Variants in OTUD7A observed in about 807,000 individuals in gnomAD.
OTUD7A encodes OTU domain-containing protein 7A.
In OTUD7A, 12 loss-of-function variants were observed where a neutral mutation model predicts 65.7. That is an observed-to-expected ratio of 0.18 (90% confidence interval 0.12 to 0.30). The LOEUF (loss-of-function observed/expected upper bound fraction) is 0.30. OTUD7A is among the 10% of genes least tolerant of loss of function. OTUD7A has a pLI of 1.00. For synonymous variants in OTUD7A, 641 were observed against 586.3 expected (o/e 1.09, Z -1.35); for missense variants, 1,148 against 1,304.8 (o/e 0.88, Z 1.85).
intron 1 of OTUD7A, among the ~76,000 whole-genome samples, chr15:31,686,392 T>C (rs1019292311): frequency 5.3e-5 from 8 of 152,236 alleles, no homozygotes; most frequent in African/African-American, 9.6e-5. Context: ...GGATGTGCTT[T>C]GGGAAACTGA....
intron 1 of OTUD7A, among the ~76,000 whole-genome samples, chr15:31,865,058 A>AC (rs1897844295): frequency 6.6e-6 from 1 of 152,104 alleles, no homozygotes; most frequent in African/African-American, 2.4e-5. Flanking sequence ...AGGTCACACA[A>AC]CTGGTCATCA....
At chr15:31,777,997 C>T (rs916656382) in intron 1 of OTUD7A, among the ~76,000 whole-genome samples, 6 of 152,068 alleles carry the variant, frequency 3.9e-5, no homozygotes, top group East Asian at 3.9e-4. Context: ...CTCTTAGACA[C>T]GGTTCTGGTG....
intron 12 of OTUD7A, among the ~76,000 whole-genome samples, chr15:31,485,135 C>T (rs1412030984): frequency 6.6e-6 from 1 of 152,174 alleles, no homozygotes; most frequent in Non-Finnish European, 1.5e-5. Flanking sequence ...CAGACTCTGG[C>T]CTTCCCCCAC....
chr15:31,488,714 C>T lies in OTUD7A; in HGVS notation c.1172-1148G>A, dbSNP rs191533512. On this transcript the variant is annotated intron_variant, in intron 10 of 12. Transcript: ENST00000307050. ...GAAATAGATCAAATCGAAGACTGAA[C>T]ACCAATAGTTGATTTGGTAAGAAAT... Among the ~76,000 whole-genome samples the T allele has an allele frequency of 2.8e-3, 432 of 152,318 alleles. 4 individuals are homozygous for T. Among genetic ancestry groups the T allele is most frequent in the African/African-American group, 1.0e-2 (414 of 41,560 alleles).
chr15:31,551,293 G>A (rs1176679803), intron 5 of OTUD7A, among the ~76,000 whole-genome samples: 1 of 152,194 alleles, frequency 6.6e-6, no homozygotes, highest in Admixed American at 6.5e-5. Context: ...CATACAAGGA[G>A]TGCGATTGGG....
intron 8 of OTUD7A, among the ~76,000 whole-genome samples, chr15:31,519,864 G>A (rs745711388): frequency 6.6e-6 from 1 of 152,122 alleles, no homozygotes; most frequent in Non-Finnish European, 1.5e-5. Context: ...TAACAATCTA[G>A]CTGAGGACTA....
chr15:31,674,210 G>A (rs925408037), intron 1 of OTUD7A, among the ~76,000 whole-genome samples: 12 of 152,198 alleles, frequency 7.9e-5, no homozygotes, highest in Admixed American at 3.3e-4. Context: ...TGGGCTGGAT[G>A]AGCAGCATGG....
chr15:31,521,902 A>G (rs2041942893), intron 8 of OTUD7A, among the ~76,000 whole-genome samples: 1 of 152,116 alleles, frequency 6.6e-6, no homozygotes, highest in African/African-American at 2.4e-5. Flanking sequence ...CTCAGCTTCC[A>G]CTTAGCCCTT....
chr15:31,734,606 C>T (rs1894135728), intron 1 of OTUD7A, among the ~76,000 whole-genome samples: 1 of 152,128 alleles, frequency 6.6e-6, no homozygotes, highest in Non-Finnish European at 1.5e-5. Context: ...GACCGCACAC[C>T]TTCAACCATT....
chr15:31,565,199 CA>C (rs561900754), intron 4 of OTUD7A, among the ~76,000 whole-genome samples: 5 of 152,036 alleles, frequency 3.3e-5, no homozygotes, highest in Non-Finnish European at 7.4e-5. Flanking sequence ...CTAATAGAAA[CA>C]AAGACAGCAT....
At chr15:31,746,539 C>T (rs1040583147) in intron 1 of OTUD7A, among the ~76,000 whole-genome samples, 1 of 148,386 alleles carries the variant, frequency 6.7e-6, no homozygotes, top group Non-Finnish European at 1.5e-5. Context: ...CAGAGTTTCA[C>T]TCTCATCCAG....
intron 1 of OTUD7A, among the ~76,000 whole-genome samples, chr15:31,788,500 T>C (rs1567023284): frequency 1.3e-5 from 2 of 152,246 alleles, no homozygotes; most frequent in South Asian, 2.1e-4. Context: ...CTAGTTTCGA[T>C]GATACAGGTT....
At chr15:31,509,503 T>G (rs1231550350) in intron 8 of OTUD7A, among the ~76,000 whole-genome samples, 2 of 152,010 alleles carry the variant, frequency 1.3e-5, no homozygotes, top group Non-Finnish European at 2.9e-5. Flanking sequence ...ATGGTCTTGA[T>G]CTCCTGACCT....
intron 10 of OTUD7A, among the ~76,000 whole-genome samples, chr15:31,496,225 A>AT (rs34267794): frequency 0.26 from 37,874 of 145,608 alleles, 4,962 homozygotes; most frequent in Middle Eastern, 0.34. Context: ...TTGATAAATG[A>AT]TTTTTTTTTT....
At chr15:31,700,873 GA>G (rs1191824982) in intron 1 of OTUD7A, among the ~76,000 whole-genome samples, 1 of 151,426 alleles carries the variant, frequency 6.6e-6, no homozygotes, top group Non-Finnish European at 1.5e-5. Flanking sequence ...AAACCTGACA[GA>G]TAGCACCTTA....
At chr15:31,634,189 T>G (rs1249727071) in intron 3 of OTUD7A, among the ~76,000 whole-genome samples, 1 of 152,082 alleles carries the variant, frequency 6.6e-6, no homozygotes, top group African/African-American at 2.4e-5. Flanking sequence ...ATCATAAACA[T>G]GCACAACCAC....
intron 8 of OTUD7A, among the ~76,000 whole-genome samples, chr15:31,522,558 T>C (rs1477624319): frequency 6.6e-6 from 1 of 152,230 alleles, no homozygotes; most frequent in African/African-American, 2.4e-5. Context: ...AGAACCCTAA[T>C]ACATTATCTA....
chr15:31,669,165 C>T lies in OTUD7A; in HGVS notation c.-99-12088G>A, dbSNP rs144900577. On this transcript the variant is annotated intron_variant, in intron 1 of 12. Transcript: ENST00000307050. ...GATGGCACTTTCCAGGGAGCATCAG[C>T]TGTGGTAGCATGGAGAAGAACCAGT... is the stretch of plus-strand genomic sequence containing the variant. Among the ~76,000 whole-genome samples, 1,309 of 152,306 alleles carry T rather than the reference C, an allele frequency of 8.6e-3. 25 individuals carry two copies. The highest frequency in any genetic ancestry group is 0.03 in the African/African-American group (1,259 of 41,554).
At chr15:31,592,936 T>C (rs1220569735) in intron 3 of OTUD7A, among the ~76,000 whole-genome samples, 80 of 91,330 alleles carry the variant, frequency 8.8e-4, no homozygotes, top group African/African-American at 5.2e-3. Flanking sequence ...TATATATATA[T>C]GTATATATAC....
Sources: gnomAD v4.1 joint callset for allele counts (sites outside exome capture counted in the v4.1 genomes callset) on GRCh38, gnomAD v4.1.1 for gene constraint, MANE v1.5 for transcripts, NCBI Gene and HGNC (gene_info 2026-07-23, HGNC 2026-07-21) for gene names.